Variants in CDH9 observed in about 807,000 individuals in gnomAD.
The protein encoded by CDH9 is cadherin 9.
In CDH9, 28 loss-of-function variants were observed where a neutral mutation model predicts 70.9. That is an observed-to-expected ratio of 0.40 (90% CI 0.29 to 0.54). CDH9 has a LOEUF of 0.54. Ranked by LOEUF, CDH9 falls within the 20% of genes least tolerant of loss-of-function variation. The probability of loss-of-function intolerance (pLI) is 0.59; values close to 1 mark genes in which losing one functional copy is unlikely to be tolerated. For missense variants in CDH9, 874 were observed against 984.4 expected, an observed-to-expected ratio of 0.89 and a Z score of 1.50; for synonymous variants, 409 against 343.1, an observed-to-expected ratio of 1.19 and a Z score of -2.12.
Position 26,915,709 on chromosome 5 carries a change from T to G in CDH9, c.444A>C (p.Lys148Asn). The change falls in exon 3 of 12, where the codon AAA becomes AAC. Residue 148 changes from lysine to asparagine, a missense_variant. Transcript: ENST00000231021. ...GCTCATTGTCATTGATATCATGTAT[T>G]TTAATGATAAATTCCGATTCCGGTT... is the stretch of plus-strand genomic sequence containing the variant. ...QVEPESEFII[K>N]IHDINDNEPK... 3 of 1,611,370 alleles carry G rather than the reference T, an allele frequency of 1.9e-6. No individual in the cohort carries two copies. The highest frequency in any genetic ancestry group is 1.7e-6 in the Non-Finnish European group (2 of 1,177,508).
At position 27,008,516 on chromosome 5, in the gene CDH9, G is replaced by A. The variant is rs115912881; in HGVS notation, c.-49-20134C>T. ...AAAAAAAAAAGTATATGTATAGCAAGAACCTAAGAAATAAGTACATCTATA... is the reference window on the plus strand; with the variant it reads ...AAAAAAAAAAGTATATGTATAGCAAAAACCTAAGAAATAAGTACATCTATA... On this transcript the variant is annotated intron_variant, in intron 1 of 11. Transcript: ENST00000231021. 9.0e-3 allele frequency among the ~76,000 whole-genome samples: 1,367 copies of A among 151,512 alleles called. 27 individuals carry two copies. Among genetic ancestry groups the A allele is most frequent in the African/African-American group, 0.031 (1,291 of 41,318 alleles).
At chr5:26,937,278 T>C (rs1741575606) in intron 2 of CDH9, among the ~76,000 whole-genome samples, 1 of 152,138 alleles carries the variant, frequency 6.6e-6, no homozygotes, top group Non-Finnish European at 1.5e-5. Context: ...ATGTGCAACA[T>C]CATATTTCAT....
chr5:27,033,804 T>G (rs137910539), intron 1 of CDH9, among the ~76,000 whole-genome samples: 3 of 151,532 alleles, frequency 2.0e-5, no homozygotes, highest in African/African-American at 7.3e-5. Context: ...GTTGGCTGAT[T>G]GTCTGGGGAA....
chr5:26,920,936 A>C (rs753247332), intron 2 of CDH9, among the ~76,000 whole-genome samples: 2 of 152,170 alleles, frequency 1.3e-5, no homozygotes, highest in Non-Finnish European at 2.9e-5. Context: ...ATAAATATCA[A>C]ACTCTTTAAT....
intron 2 of CDH9, among the ~76,000 whole-genome samples, chr5:26,986,437 C>A (rs1742489728): frequency 6.6e-6 from 1 of 152,018 alleles, no homozygotes; most frequent in African/African-American, 2.4e-5. Flanking sequence ...TGATTGCACA[C>A]AAAATTTTAA....
chr5:27,001,285 T>C (rs562699491), intron 1 of CDH9, among the ~76,000 whole-genome samples: 3 of 152,218 alleles, frequency 2.0e-5, no homozygotes, highest in African/African-American at 2.4e-5. Flanking sequence ...TGAGTGCAGT[T>C]TCTAAGACTA....
intron 1 of CDH9, among the ~76,000 whole-genome samples, chr5:26,989,147 G>A (rs569811135): frequency 6.6e-6 from 1 of 152,058 alleles, no homozygotes; most frequent in Admixed American, 6.6e-5. Context: ...GATAACACAT[G>A]TTACGTATAG....
intron 2 of CDH9, among the ~76,000 whole-genome samples, chr5:26,950,414 A>T (rs752926952): frequency 6.6e-6 from 1 of 152,212 alleles, no homozygotes; most frequent in Non-Finnish European, 1.5e-5. Flanking sequence ...AAACCAGATT[A>T]TGTAAATGAT....
Position 26,988,106 on chromosome 5 carries a change from C to T in CDH9, c.228G>A (p.Lys76=). The change falls in exon 2 of 12, where the codon AAG becomes AAA. Residue 76 remains lysine (K), a splice_region_variant and synonymous_variant. Transcript: ENST00000231021. ...AGATTTCTCATACAAAAATTCTTAC[C>T]TTGCCTACATATTGTGTGTCAGTAC... is the stretch of plus-strand genomic sequence containing the variant. ...YTGTDTQYVG[K]LHTDQDKGDG... is the part of the protein sequence containing the mutation. 1.3e-6 allele frequency: 2 copies of T among 1,593,708 alleles called. No individual in the cohort carries two copies. The highest frequency in any genetic ancestry group is 8.6e-7 in the Non-Finnish European group (1 of 1,165,526).
chr5:26,949,615 A>G (rs1486543496), intron 2 of CDH9, among the ~76,000 whole-genome samples: 1 of 152,154 alleles, frequency 6.6e-6, no homozygotes, highest in Non-Finnish European at 1.5e-5. Flanking sequence ...CAGCAACAAC[A>G]TATATGATGA....
At chr5:27,019,217 G>A (rs1743095519) in intron 1 of CDH9, among the ~76,000 whole-genome samples, 1 of 151,982 alleles carries the variant, frequency 6.6e-6, no homozygotes, top group South Asian at 2.1e-4. Context: ...TGGAAGAATG[G>A]AAAACCTAGA....
chr5:26,882,129 A>G (rs145623807), intron 11 of CDH9, among the ~76,000 whole-genome samples: 20 of 152,208 alleles, frequency 1.3e-4, no homozygotes, highest in Non-Finnish European at 2.5e-4. Flanking sequence ...ACATACATGA[A>G]TATGTATGAG....
intron 1 of CDH9, 132 bp from the exon 2 acceptor site, chr5:26,988,514 T>G (rs1742527021): frequency 2.8e-6 from 2 of 715,750 alleles, no homozygotes; most frequent in Non-Finnish European, 4.0e-6. Context: ...TATTTCTATA[T>G]CAGTGAACGG....
chr5:27,035,713 TGTGTGTGG>T, intron 1 of CDH9, among the ~76,000 whole-genome samples: 1 of 149,830 alleles, frequency 6.7e-6, no homozygotes, highest in African/African-American at 2.5e-5. Flanking sequence ...TGTGTGTGGG[TGTGTGTGG>T]GTGTGTGTGT....
At chr5:26,913,757 T>TTGTGTGTGTGTGTGTGTG (rs5866811) in intron 3 of CDH9, among the ~76,000 whole-genome samples, 1 of 145,446 alleles carries the variant, frequency 6.9e-6, no homozygotes, top group Non-Finnish European at 1.5e-5. Flanking sequence ...ACATATATGT[T>TTGTGTGTGTGTGTGTGTG]TGTGTGTGTG....
intron 2 of CDH9, among the ~76,000 whole-genome samples, chr5:26,928,017 A>C (rs926727365): frequency 2.1e-4 from 32 of 152,084 alleles, no homozygotes; most frequent in African/African-American, 7.0e-4. Flanking sequence ...GGTGTGAAGA[A>C]TAAACTCCTT....
chr5:26,906,876 A>G (rs1740958446), intron 3 of CDH9, 38 bp from the exon 4 acceptor site: 1 of 1,549,138 alleles, frequency 6.5e-7, no homozygotes, highest in Non-Finnish European at 8.8e-7. Context: ...AGACATTTAC[A>G]TACTTCCAAA....
At chr5:26,918,234 C>T (rs909006146) in intron 2 of CDH9, among the ~76,000 whole-genome samples, 1 of 152,094 alleles carries the variant, frequency 6.6e-6, no homozygotes, top group East Asian at 1.9e-4. Context: ...TACACCTTTA[C>T]CTTCTTTTTT....
At chr5:26,903,611 A>G in intron 6 of CDH9, 26 bp downstream of exon 6, 1 of 1,471,930 alleles carries the variant, frequency 6.8e-7, no homozygotes, top group Non-Finnish European at 9.5e-7. Flanking sequence ...GCACTCAATG[A>G]AAAGATGAAG....
Sources: gnomAD v4.1 joint callset for allele counts (sites outside exome capture counted in the v4.1 genomes callset) on GRCh38, gnomAD v4.1.1 for gene constraint, MANE v1.5 for transcripts, NCBI Gene and HGNC (gene_info 2026-07-23, HGNC 2026-07-21) for gene names.